Variants in DCC observed in about 807,000 individuals in gnomAD.
DCC encodes DCC netrin 1 receptor.
Under a neutral mutation model 172.5 loss-of-function variants are expected in DCC, and 58 were observed. That is an observed-to-expected ratio of 0.34 (90% CI 0.27 to 0.42). DCC has a LOEUF of 0.42. Ranked by LOEUF, DCC falls within the 10% of genes least tolerant of loss-of-function variation. The pLI, the probability that DCC is intolerant of heterozygous loss-of-function variation, is 1.00. For missense variants in DCC, 1,740 were observed against 1,791.0 expected, an observed-to-expected ratio of 0.97 and a Z score of 0.51; for synonymous variants, 709 against 644.5, an observed-to-expected ratio of 1.10 and a Z score of -1.52.
chr18:53,511,967 G>A (rs191766649), intron 27 of DCC, among the ~76,000 whole-genome samples: 2,103 of 152,324 alleles, frequency 0.014, 58 homozygotes, highest in African/African-American at 0.048. Context: ...GCCCACCACA[G>A]CTCAAGGAAG....
At chr18:52,422,118 A>AT (rs1303637300) in intron 1 of DCC, among the ~76,000 whole-genome samples, 1 of 152,150 alleles carries the variant, frequency 6.6e-6, no homozygotes, top group Non-Finnish European at 1.5e-5. Flanking sequence ...TTTAATCTTA[A>AT]TTTTTTTAAG....
At chr18:52,790,461 A>G (rs1191073539) in intron 2 of DCC, among the ~76,000 whole-genome samples, 1 of 152,168 alleles carries the variant, frequency 6.6e-6, no homozygotes, top group Non-Finnish European at 1.5e-5. Flanking sequence ...GAATGGTAAG[A>G]AATTTCTACC....
At chr18:53,316,931 C>G (rs2057350410) in intron 13 of DCC, among the ~76,000 whole-genome samples, 1 of 152,144 alleles carries the variant, frequency 6.6e-6, no homozygotes, top group Non-Finnish European at 1.5e-5. Flanking sequence ...ATCTGAATAC[C>G]CTTTATTTCT....
At chr18:53,346,521 A>G (rs1033406284) in intron 15 of DCC, among the ~76,000 whole-genome samples, 1 of 152,022 alleles carries the variant, frequency 6.6e-6, no homozygotes, top group African/African-American at 2.4e-5. Flanking sequence ...ATCCTGTTCT[A>G]TTATCATGCT....
intron 7 of DCC, among the ~76,000 whole-genome samples, chr18:53,127,116 G>A (rs1275215525): frequency 2.0e-5 from 3 of 149,968 alleles, no homozygotes; most frequent in South Asian, 2.1e-4. Flanking sequence ...CCTAAAATAC[G>A]AGACTAGCTT....
chr18:52,670,498 C>G (rs941517566), intron 1 of DCC, among the ~76,000 whole-genome samples: 13 of 152,126 alleles, frequency 8.5e-5, no homozygotes, highest in African/African-American at 2.4e-4. Flanking sequence ...AGGTCTCTTT[C>G]CTATATAGAT....
intron 5 of DCC, among the ~76,000 whole-genome samples, chr18:53,039,048 G>A (rs913339166): frequency 6.6e-6 from 1 of 151,968 alleles, no homozygotes; most frequent in East Asian, 1.9e-4. Flanking sequence ...AACCCAGGGA[G>A]CTTTTTAACT....
rs1305315229 is a variant in DCC, at chr18:53,157,427, G to T, written c.1333G>T (p.Val445Phe). Residue 445 changes from valine to phenylalanine, a missense_variant, in exon 8 of 29, where the codon GTC (valine) becomes TTC (phenylalanine). Val to Phe is a conservative substitution (Grantham distance 50, BLOSUM62 -1). Around this residue, in one of 2 missense-constraint regions of DCC, gnomAD observed 1,732 missense variants for 1,767.4 expected, o/e 0.98. Transcript: ENST00000442544. ...VVPVLVSSRFVRLSWRPPAEA... is the reference protein window; with the variant it reads ...VVPVLVSSRFFRLSWRPPAEA... Reference sequence around the variant, plus strand: ...CCCTGTCTTGGTTTCCAGCCGATTTGTCCGTCTCAGCTGGCGCCCACCTGC... The same window carrying T: ...CCCTGTCTTGGTTTCCAGCCGATTTTTCCGTCTCAGCTGGCGCCCACCTGC... The T allele has an allele frequency of 1.2e-6, 2 of 1,613,990 alleles. No individual in the cohort carries two copies. Among genetic ancestry groups the T allele is most frequent in the Non-Finnish European group, 1.7e-6 (2 of 1,180,006 alleles).
intron 25 of DCC, among the ~76,000 whole-genome samples, chr18:53,474,028 T>C (rs2045731517): frequency 1.1e-5 from 1 of 90,734 alleles, no homozygotes; most frequent in South Asian, 5.2e-4. Context: ...ATTTTTGTTA[T>C]TTTTGTAATT....
chr18:52,525,932 C>T (rs2031968380), intron 1 of DCC, among the ~76,000 whole-genome samples: 1 of 152,204 alleles, frequency 6.6e-6, no homozygotes, highest in Non-Finnish European at 1.5e-5. Flanking sequence ...ATAATAATTT[C>T]TGCTCAACCT....
chr18:53,332,231 G>T (rs1599032592), intron 14 of DCC, among the ~76,000 whole-genome samples: 2 of 152,282 alleles, frequency 1.3e-5, no homozygotes, highest in Non-Finnish European at 2.9e-5. Context: ...ATCGACTCCT[G>T]TTAGACTTCT....
intron 1 of DCC, among the ~76,000 whole-genome samples, chr18:52,546,482 T>A (rs568858205): frequency 9.9e-5 from 15 of 152,234 alleles, no homozygotes; most frequent in African/African-American, 3.6e-4. Flanking sequence ...CCTACTTACC[T>A]CTGACAGTTC....
At chr18:53,471,871 T>C (rs2045700708) in intron 25 of DCC, among the ~76,000 whole-genome samples, 1 of 152,186 alleles carries the variant, frequency 6.6e-6, no homozygotes, top group Non-Finnish European at 1.5e-5. Flanking sequence ...TTTTAATGCA[T>C]TACACTATTC....
intron 5 of DCC, among the ~76,000 whole-genome samples, chr18:53,047,475 ATTGAGGAATCTTTTTTTTAT>A (rs1568268536): frequency 0.023 from 1,446 of 63,218 alleles, 50 homozygotes; most frequent in African/African-American, 0.048. Context: ...CATTTTTGCT[ATTGAGGAATCTTTTTTTTAT>A]TAAACTGAGA....
intron 27 of DCC, among the ~76,000 whole-genome samples, chr18:53,512,498 C>T (rs1255115555): frequency 1.6e-4 from 23 of 147,642 alleles, no homozygotes; most frequent in South Asian, 4.4e-4. Flanking sequence ...AGGCTTCAGA[C>T]GATCAAATTA....
intron 2 of DCC, among the ~76,000 whole-genome samples, chr18:52,841,661 G>A (rs925263512): frequency 2.0e-5 from 3 of 152,150 alleles, no homozygotes; most frequent in African/African-American, 7.2e-5. Flanking sequence ...ACTGGGTATA[G>A]TGGGTGCTAT....
chr18:52,817,861 T>C (rs747948883), intron 2 of DCC, among the ~76,000 whole-genome samples: 1 of 152,036 alleles, frequency 6.6e-6, no homozygotes, highest in Non-Finnish European at 1.5e-5. Context: ...TATAATGAAA[T>C]ACAGTACTCA....
intron 12 of DCC, among the ~76,000 whole-genome samples, chr18:53,299,461 C>T (rs981668967): frequency 1.7e-4 from 26 of 152,156 alleles, no homozygotes; most frequent in African/African-American, 5.8e-4. Context: ...CTTGATATTT[C>T]CTGTTTTAAA....
chr18:53,467,971 A>G lies in DCC; in HGVS notation c.3697A>G (p.Lys1233Glu). 2.5e-6 allele frequency: 4 copies of G among 1,611,028 alleles called. No individual in the cohort carries two copies. Among genetic ancestry groups the G allele is most frequent in the Non-Finnish European group, 3.4e-6 (4 of 1,177,310 alleles). ...GGCTGCACGCCGAGCCCCCCGGGCC[A>G]AGCTCATGATTCCCATGGATGCCCA... ...SLAARRAPRA[K>E]LMIPMDAQSN... Residue 1233 changes from lysine (K) to glutamate (E), a missense_variant, in exon 25 of 29, where the codon AAG becomes GAG. By Grantham distance (56) the Lys-to-Glu change is moderately conservative. Transcript: ENST00000442544.
Sources: allele counts gnomAD v4.1 joint callset (sites outside exome capture counted in the v4.1 genomes callset), GRCh38; gene constraint gnomAD v4.1.1; regional missense constraint gnomAD v4.1.1; transcripts MANE v1.5; gene names NCBI Gene and HGNC (gene_info 2026-07-23, HGNC 2026-07-21).